L3HYPDH: variants seen among roughly 807,000 people sequenced by gnomAD.
The protein encoded by L3HYPDH is trans-L-3-hydroxyproline dehydratase, also known as trans-3-hydroxy-L-proline dehydratase.
Under a neutral mutation model 26.5 loss-of-function variants are expected in L3HYPDH, and 32 were observed. The ratio of observed to expected loss-of-function variants is 1.21; its 90% CI spans 0.91 to 1.62. L3HYPDH has a LOEUF of 1.62. Ranked by LOEUF, L3HYPDH falls within the 40% of genes most tolerant of loss-of-function variation. The probability of loss-of-function intolerance (pLI) is 0.00; values close to 1 mark genes in which losing one functional copy is unlikely to be tolerated. For missense variants in L3HYPDH, 554 were observed against 476.4 expected (o/e 1.16, Z -1.52); for synonymous variants, 215 against 196.6 (o/e 1.09, Z -0.78).
chr14:59,470,262 C>T (rs541187463), downstream of L3HYPDH, among the ~76,000 whole-genome samples: 93 of 152,282 alleles, frequency 6.1e-4, no homozygotes, highest in African/African-American at 2.1e-3. Flanking sequence ...CACAGTACTC[C>T]AACCAGCAAC....
chr14:59,483,900 G>A lies in L3HYPDH; in HGVS notation c.417C>T (p.Cys139=). The change falls in exon 1 of 5, where the codon TGC becomes TGT. Residue 139 remains cysteine, a synonymous_variant. Transcript: ENST00000247194. ...ATGCCACGAAGGCGGTCACCAGCCC[G>A]CAGGGGCAGTGGATATTGACGCGGG... is the stretch of plus-strand genomic sequence containing the variant. ...REARVNIHCP[C]GLVTAFVACE... 3 of 1,563,930 alleles carry A rather than the reference G, an allele frequency of 1.9e-6. No individual in the cohort carries two copies. The highest frequency in any genetic ancestry group is 2.6e-6 in the Non-Finnish European group (3 of 1,161,346).
At chr14:59,490,779 G>A in the L3HYPDH span, among the ~76,000 whole-genome samples, 1 of 152,174 alleles carries the variant, frequency 6.6e-6, no homozygotes, top group Non-Finnish European at 1.5e-5. Context: ...GGTGAGAAAG[G>A]AGATATGACA....
chr14:59,485,012 G>C (rs557141638), upstream of L3HYPDH: 14 of 1,597,134 alleles, frequency 8.8e-6, no homozygotes, highest in East Asian at 2.9e-4. Context: ...CGTCACAAAG[G>C]GCAGGACCGC....
chr14:59,504,209 T>A, the L3HYPDH span: 2 of 633,600 alleles, frequency 3.2e-6, no homozygotes, highest in Non-Finnish European at 5.5e-6. Flanking sequence ...GGGTTTGTCT[T>A]TGTTTTGTTT....
At chr14:59,495,615 A>C in the L3HYPDH span, among the ~76,000 whole-genome samples, 1 of 152,218 alleles carries the variant, frequency 6.6e-6, no homozygotes, top group East Asian at 1.9e-4. Flanking sequence ...TTCTGTATGC[A>C]ATTATGCCAG....
chr14:59,475,964 C>T lies in L3HYPDH; in HGVS notation c.844G>A (p.Ala282Thr), dbSNP rs767958121. ...AGAAGCCCTTTGTGATACTGTAAGG[C>T]AATTCGGGCTGTCACTCCTGAGCCA... ...PTGSGVTARIALQYHKGLLEL... is the reference protein window; with the variant it reads ...PTGSGVTARITLQYHKGLLEL... Residue 282 changes from alanine to threonine, a missense_variant, in exon 4 of 5, where the codon GCC (alanine) becomes ACC (threonine). By Grantham distance (58) the Ala-to-Thr change is moderately conservative (BLOSUM62 0). Transcript: ENST00000247194. 11 of 1,613,838 alleles carry T rather than the reference C, an allele frequency of 6.8e-6. No individual in the cohort carries two copies. The South Asian group carries it at 8.8e-5, about 13-fold the overall frequency.
At chr14:59,502,721 T>G in the L3HYPDH span, among the ~76,000 whole-genome samples, 30 of 140,046 alleles carry the variant, frequency 2.1e-4, no homozygotes, top group Non-Finnish European at 3.8e-4. Flanking sequence ...AGAAAATAGT[T>G]GGATATTTGG....
intron 4 of L3HYPDH, chr14:59,474,714 A>C: frequency 1.9e-6 from 1 of 535,000 alleles, no homozygotes. Context: ...CGATAATAAC[A>C]GCACAGTACT....
At chr14:59,492,654 C>G in the L3HYPDH span, among the ~76,000 whole-genome samples, 1 of 152,176 alleles carries the variant, frequency 6.6e-6, no homozygotes, top group African/African-American at 2.4e-5. Context: ...ACATTCTATC[C>G]TTATCAGGCT....
chr14:59,485,370 G>A (rs1890464132), upstream of L3HYPDH: 6 of 382,130 alleles, frequency 1.6e-5, no homozygotes, highest in Non-Finnish European at 1.8e-5. Flanking sequence ...AAAGAGGCCA[G>A]TGGGTTTAAA....
chr14:59,497,598 G>T, the L3HYPDH span, among the ~76,000 whole-genome samples: 1 of 152,142 alleles, frequency 6.6e-6, no homozygotes, highest in African/African-American at 2.4e-5. Flanking sequence ...TTCATTAGAA[G>T]AGGTAACACA....
chr14:59,487,868 T>A (rs1213806645), upstream of L3HYPDH: 3 of 1,566,216 alleles, frequency 1.9e-6, no homozygotes, highest in South Asian at 3.3e-5. Context: ...TGGACTAATG[T>A]TGGAATAATT....
At chr14:59,494,795 A>C in the L3HYPDH span, among the ~76,000 whole-genome samples, 1 of 152,236 alleles carries the variant, frequency 6.6e-6, no homozygotes, top group Non-Finnish European at 1.5e-5. Context: ...TTGGCAAGAT[A>C]CTAAAGATGC....
downstream of L3HYPDH, among the ~76,000 whole-genome samples, chr14:59,469,272 A>G (rs1388239520): frequency 2.6e-5 from 4 of 152,106 alleles, no homozygotes; most frequent in Admixed American, 6.5e-5. Context: ...AAAGAAGGGG[A>G]GGCCAGGCGC....
chr14:59,481,578 T>A (rs1890026743), intron 1 of L3HYPDH, among the ~76,000 whole-genome samples: 1 of 152,230 alleles, frequency 6.6e-6, no homozygotes, highest in African/African-American at 2.4e-5. Context: ...TTCAATTTGA[T>A]TTACTTTGCT....
At chr14:59,491,476 T>C in the L3HYPDH span, among the ~76,000 whole-genome samples, 1 of 152,176 alleles carries the variant, frequency 6.6e-6, no homozygotes, top group Admixed American at 6.5e-5. Flanking sequence ...AATAATGAAG[T>C]TGGGATTTTG....
Position 59,484,020 on chromosome 14 carries a change from G to A in L3HYPDH, c.297C>T (p.Gly99=). The A allele has an allele frequency of 1.2e-6, 2 of 1,603,518 alleles. No individual in the cohort carries two copies. Among genetic ancestry groups the A allele is most frequent in the Non-Finnish European group, 1.7e-6 (2 of 1,178,788 alleles). ...HLGVLFLHNE[G]YSSMCGHAVL... is the part of the protein sequence containing the mutation. Reference sequence around the variant, plus strand: ...CTGCGTGGCCGCACATGGAGCTGTAGCCCTCGTTGTGCAGGAACAGGACGC... The same window carrying A: ...CTGCGTGGCCGCACATGGAGCTGTAACCCTCGTTGTGCAGGAACAGGACGC... The change falls in exon 1 of 5, where the codon GGC becomes GGT. Residue 99 remains glycine, a synonymous_variant. Coordinates refer to ENST00000247194, the MANE Select transcript of L3HYPDH (RefSeq NM_144581.2).
chr14:59,483,723 G>C (rs761763123), intron 1 of L3HYPDH, 86 bp downstream of exon 1: 3 of 1,523,790 alleles, frequency 2.0e-6, no homozygotes, highest in South Asian at 1.2e-5. Flanking sequence ...TTAGTTGCCA[G>C]AGTTCCAGCC....
chr14:59,484,745 A>C (rs1346312453), upstream of L3HYPDH: 95 of 1,065,278 alleles, frequency 8.9e-5, 1 homozygote, highest in South Asian at 1.3e-4. Context: ...CGGGCTCCGC[A>C]CTCCTGCGGG....
Sources: gnomAD v4.1 joint callset for allele counts (sites outside exome capture counted in the v4.1 genomes callset) on GRCh38, gnomAD v4.1.1 for gene constraint, MANE v1.5 for transcripts, NCBI Gene and HGNC (gene_info 2026-07-23, HGNC 2026-07-21) for gene names.